The following DPYD variants were observed in gnomAD, a reference collection of about 807,000 sequenced individuals.
DPYD encodes the protein dihydropyrimidine dehydrogenase.
DPYD carries 109 observed loss-of-function variants against 116.2 expected under a neutral mutation model. The ratio of observed to expected loss-of-function variants is 0.94; its 90% CI spans 0.80 to 1.10. DPYD has a LOEUF of 1.10. Among genes scored for constraint, DPYD ranks in the 50% least tolerant of loss-of-function variants. DPYD has a pLI of 0.00. For missense variants in DPYD, 1,302 were observed against 1,254.5 expected (o/e 1.04, Z -0.57); for synonymous variants, 440 against 432.0 (o/e 1.02, Z -0.23).
rs542422239 is a variant in DPYD at position 97,181,297 on chromosome 1, A to T, written c.2622+11772T>A. Among the ~76,000 whole-genome samples the T allele has an allele frequency of 2.0e-4, 31 of 152,230 alleles. 1 individual carries two copies. In the South Asian group the frequency reaches 6.2e-3, roughly 31 times the overall value. On this transcript the variant is annotated intron_variant, in intron 20 of 22. Coordinates refer to ENST00000370192, the MANE Select transcript of DPYD (RefSeq NM_000110.4). Reference sequence around the variant, plus strand: ...TCACAAACTACTCTGGTTACAAGCAATGCAAAACTACCTCTTCCCATAACT... The same window carrying T: ...TCACAAACTACTCTGGTTACAAGCATTGCAAAACTACCTCTTCCCATAACT...
At chr1:97,145,442 A>C (rs916201989) in intron 20 of DPYD, among the ~76,000 whole-genome samples, 1 of 152,116 alleles carries the variant, frequency 6.6e-6, no homozygotes, top group Admixed American at 6.5e-5. Context: ...AGTTCGTTCC[A>C]AGCTACCGAA....
chr1:97,177,504 G>A (rs1570610222), intron 20 of DPYD, among the ~76,000 whole-genome samples: 1 of 151,904 alleles, frequency 6.6e-6, no homozygotes, highest in Non-Finnish European at 1.5e-5. Context: ...CAGTGAGTAC[G>A]GATGACATTT....
rs1557929535 is a variant in DPYD, at chr1:97,195,632, G to GTGTATGTGTA, written c.2443-2385_2443-2384insTACACATACA. ...TATATATATGTATGTGTATATGTATGTGTATATATATATATATATATATAT... is the reference window on the plus strand; with the variant it reads ...TATATATATGTATGTGTATATGTATGTGTATGTGTATGTATATATATATATATATATATAT... On this transcript the variant is annotated intron_variant, in intron 19 of 22. Transcript: ENST00000370192. 4.6e-4 allele frequency among the ~76,000 whole-genome samples: 19 copies of GTGTATGTGTA among 41,120 alleles called. 1 individual carries two copies. The highest frequency in any genetic ancestry group is 4.5e-3 in the South Asian group (5 of 1,106). The allele number at this position is 41,120 out of a possible 152,430, so 27.0% of individuals were successfully genotyped here.
rs1189992587 is a variant in DPYD, at chr1:97,416,077, T to C, written c.1906-33616A>G. Among the ~76,000 whole-genome samples, 3 of 152,184 alleles carry C rather than the reference T, an allele frequency of 2.0e-5. No homozygotes were observed. The East Asian group carries it at 5.8e-4, about 29-fold the overall frequency. Reference sequence around the variant, plus strand: ...ATATCTAGCAAGAGAAATCCAATAATATTAATGCTTAAGAACCATTGATGT... The same window carrying C: ...ATATCTAGCAAGAGAAATCCAATAACATTAATGCTTAAGAACCATTGATGT... On this transcript the variant is annotated intron_variant, in intron 14 of 22. Coordinates refer to ENST00000370192, the MANE Select transcript of DPYD (RefSeq NM_000110.4).
At chr1:97,731,329 A>C (rs1005251314) in intron 4 of DPYD, among the ~76,000 whole-genome samples, 3 of 152,216 alleles carry the variant, frequency 2.0e-5, no homozygotes, top group African/African-American at 7.2e-5. Flanking sequence ...TAAGTACATA[A>C]TTTAAACCCA....
intron 13 of DPYD, among the ~76,000 whole-genome samples, chr1:97,463,512 T>G (rs1188602037): frequency 2.0e-5 from 3 of 151,970 alleles, no homozygotes; most frequent in Non-Finnish European, 4.4e-5. Flanking sequence ...ACCAGTAGAG[T>G]GGGGTGCTGC....
chr1:97,233,900 G>T (rs1043681594), intron 19 of DPYD, among the ~76,000 whole-genome samples: 2 of 152,182 alleles, frequency 1.3e-5, no homozygotes, highest in Non-Finnish European at 2.9e-5. Flanking sequence ...GCAGAAGTCT[G>T]CCTCCATTAG....
intron 8 of DPYD, among the ~76,000 whole-genome samples, chr1:97,653,516 G>A (rs1443584334): frequency 6.6e-6 from 1 of 151,988 alleles, no homozygotes; most frequent in African/African-American, 2.4e-5. Context: ...TGTTGGCCAG[G>A]ATGGTCTCTG....
chr1:97,706,374 T>G (rs1028109486), intron 5 of DPYD, among the ~76,000 whole-genome samples: 1 of 151,990 alleles, frequency 6.6e-6, no homozygotes, highest in Non-Finnish European at 1.5e-5. Context: ...ATCCTCTCCA[T>G]AGTGGTACAT....
At chr1:97,155,519 T>C (rs2101729731) in intron 20 of DPYD, among the ~76,000 whole-genome samples, 1 of 152,290 alleles carries the variant, frequency 6.6e-6, no homozygotes, top group African/African-American at 2.4e-5. Flanking sequence ...TTGTTTTTAT[T>C]ATCCTAATAC....
At chr1:97,293,411 G>A (rs947834467) in intron 18 of DPYD, among the ~76,000 whole-genome samples, 1 of 152,164 alleles carries the variant, frequency 6.6e-6, no homozygotes, top group African/African-American at 2.4e-5. Context: ...GATACCAGCT[G>A]TGTGATGTTA....
chr1:97,116,214 G>A (rs1040799969), intron 20 of DPYD, among the ~76,000 whole-genome samples: 1 of 152,044 alleles, frequency 6.6e-6, no homozygotes, highest in African/African-American at 2.4e-5. Context: ...ACCAATGTTT[G>A]CTGAGCACCT....
At chr1:97,847,218 T>C (rs1275255269) in intron 2 of DPYD, among the ~76,000 whole-genome samples, 1 of 152,196 alleles carries the variant, frequency 6.6e-6, no homozygotes, top group East Asian at 1.9e-4. Flanking sequence ...ATACAGTGAC[T>C]GCTAAAGAAT....
chr1:97,895,156 T>C (rs140062227), intron 1 of DPYD, among the ~76,000 whole-genome samples: 2 of 151,806 alleles, frequency 1.3e-5, no homozygotes, highest in African/African-American at 2.4e-5. Flanking sequence ...CTGGCTCCTA[T>C]GTAAAATTGG....
At chr1:97,376,887 G>GTGTGTGTGTGTGTGTGTGTATATATA in intron 15 of DPYD, among the ~76,000 whole-genome samples, 5 of 128,454 alleles carry the variant, frequency 3.9e-5, no homozygotes, top group East Asian at 2.6e-4. Flanking sequence ...GTGTGTGTGT[G>GTGTGTGTGTGTGTGTGTGTATATATA]TATATATATA....
intron 8 of DPYD, among the ~76,000 whole-genome samples, chr1:97,668,721 A>G (rs1659700115): frequency 6.6e-6 from 1 of 152,056 alleles, no homozygotes; most frequent in Non-Finnish European, 1.5e-5. Context: ...TTCCTGTAAA[A>G]TGGAAACTTA....
Position 97,620,463 on chromosome 1 carries a change from C to T in DPYD, c.851-25297G>A, listed in dbSNP as rs146132226. Among the ~76,000 whole-genome samples, 347 of 152,230 alleles carry T rather than the reference C, an allele frequency of 2.3e-3. 4 individuals are homozygous for T. Among genetic ancestry groups the T allele is most frequent in the African/African-American group, 7.8e-3 (325 of 41,552 alleles). On this transcript the variant is annotated intron_variant, in intron 8 of 22. Transcript: ENST00000370192. ...ACTCCTGGCCTCAATTGATCCTCCCCGCTTGGCTTCCCAAAGTGTTAGGAT... is the reference window on the plus strand; with the variant it reads ...ACTCCTGGCCTCAATTGATCCTCCCTGCTTGGCTTCCCAAAGTGTTAGGAT...
At chr1:97,206,536 G>C (rs1264223278) in intron 19 of DPYD, among the ~76,000 whole-genome samples, 1 of 149,842 alleles carries the variant, frequency 6.7e-6, no homozygotes, top group East Asian at 2.0e-4. Context: ...TTCTGGCTCA[G>C]TTTGCCCACA....
At chr1:97,827,505 A>G (rs961545973) in intron 3 of DPYD, among the ~76,000 whole-genome samples, 2 of 152,048 alleles carry the variant, frequency 1.3e-5, no homozygotes, top group African/African-American at 4.8e-5. Context: ...CTTCACTAAA[A>G]GTTATTTAAA....
Sources: gnomAD v4.1 joint callset for allele counts (sites outside exome capture counted in the v4.1 genomes callset) on GRCh38, gnomAD v4.1.1 for gene constraint, MANE v1.5 for transcripts, NCBI Gene and HGNC (gene_info 2026-07-23, HGNC 2026-07-21) for gene names.